FGF14: variants seen among roughly 807,000 people sequenced by gnomAD.
The protein encoded by FGF14 is fibroblast growth factor homologous factor 4.
In FGF14, 5 loss-of-function variants were observed where a neutral mutation model predicts 25.5. The observed-to-expected ratio is 0.20, with a 90% CI of 0.10 to 0.41. The LOEUF is 0.41. Among genes scored for constraint, FGF14 ranks in the 10% least tolerant of loss-of-function variants. The pLI is 1.00. For missense variants in FGF14, 222 were observed against 320.1 expected (o/e 0.69, Z 2.34); for synonymous variants, 138 against 118.3 (o/e 1.17, Z -1.08).
At chr13:102,241,644 C>G (rs55934421) in intron 1 of FGF14, among the ~76,000 whole-genome samples, 7,164 of 152,180 alleles carry the variant, frequency 0.047, 550 homozygotes, top group African/African-American at 0.16. Context: ...AGCATCAAGA[C>G]AGTTTATTTT....
chr13:101,897,429 G>C (rs970741261), intron 1 of FGF14, among the ~76,000 whole-genome samples: 2 of 152,138 alleles, frequency 1.3e-5, no homozygotes, highest in Non-Finnish European at 2.9e-5. Flanking sequence ...TGAACCACAG[G>C]CTTCAGAGAA....
At chr13:101,903,967 A>G (rs1052217463) in intron 1 of FGF14, among the ~76,000 whole-genome samples, 15 of 152,210 alleles carry the variant, frequency 9.9e-5, no homozygotes. Context: ...AATTAAAACC[A>G]CAATGTAGGT....
chr13:101,714,447 A>C lies in FGF14; in HGVS notation c.*8384T>G, dbSNP rs768104574. ...GCCTTTGTAATTTCAGGTTCTTGTC[A>C]TTGTGGGAAGTGCATTTGTTCTGCT... On this transcript the variant is annotated 3_prime_UTR_variant, in exon 5 of 5. Transcript: ENST00000376143. 1 of 1,599,870 alleles carries C rather than the reference A, an allele frequency of 6.3e-7. No homozygotes were observed. The highest frequency in any genetic ancestry group is 1.7e-5 in the Admixed American group (1 of 60,002).
chr13:101,856,034 C>T (rs1203646242), intron 3 of FGF14, among the ~76,000 whole-genome samples: 1 of 151,658 alleles, frequency 6.6e-6, no homozygotes, highest in Non-Finnish European at 1.5e-5. Context: ...TCCTGAGTAT[C>T]CATTTGGCTT....
At chr13:102,292,858 A>G (rs1226725420) in intron 1 of FGF14, 2 of 152,178 alleles carry the variant, frequency 1.3e-5, no homozygotes, top group African/African-American at 4.8e-5. Context: ...TAATTGGCAC[A>G]TGTGACATCT....
At chr13:101,986,784 C>A (rs577081735) in intron 1 of FGF14, among the ~76,000 whole-genome samples, 28 of 151,956 alleles carry the variant, frequency 1.8e-4, no homozygotes, top group Non-Finnish European at 3.5e-4. Flanking sequence ...CTCTTGATAT[C>A]CCCCAACCAA....
intron 1 of FGF14, among the ~76,000 whole-genome samples, chr13:102,084,023 T>C (rs751236952): frequency 6.6e-6 from 1 of 152,182 alleles, no homozygotes; most frequent in East Asian, 1.9e-4. Flanking sequence ...CTTTTCTCTC[T>C]TGTAACTGGC....
At chr13:101,821,441 T>C (rs909076732) in intron 3 of FGF14, among the ~76,000 whole-genome samples, 1 of 152,230 alleles carries the variant, frequency 6.6e-6, no homozygotes, top group African/African-American at 2.4e-5. Context: ...TCCATTCTAC[T>C]ACTGATGGAA....
chr13:102,276,366 T>G (rs2053551179), intron 1 of FGF14, among the ~76,000 whole-genome samples: 1 of 141,626 alleles, frequency 7.1e-6, no homozygotes, highest in Admixed American at 7.0e-5. Context: ...TATATATATA[T>G]ATATATATAT....
intron 1 of FGF14, among the ~76,000 whole-genome samples, chr13:102,209,530 A>C (rs1329761851): frequency 6.6e-6 from 1 of 152,230 alleles, no homozygotes; most frequent in Non-Finnish European, 1.5e-5. Flanking sequence ...GCTGTACACC[A>C]GCATGTTAAT....
chr13:102,315,213 A>G (rs1325199145), intron 1 of FGF14, among the ~76,000 whole-genome samples: 1 of 152,138 alleles, frequency 6.6e-6, no homozygotes, highest in African/African-American at 2.4e-5. Context: ...AAAAAATATT[A>G]TAAAATCTGG....
At chr13:102,005,205 G>T (rs2039716315) in intron 1 of FGF14, among the ~76,000 whole-genome samples, 1 of 152,170 alleles carries the variant, frequency 6.6e-6, no homozygotes, top group African/African-American at 2.4e-5. Context: ...GTTTTCCACA[G>T]AAAGGACTCC....
At chr13:101,973,318 C>G (rs185197011) in intron 1 of FGF14, among the ~76,000 whole-genome samples, 217 of 152,196 alleles carry the variant, frequency 1.4e-3, no homozygotes, top group Middle Eastern at 0.01. Flanking sequence ...CAAAGGAAAA[C>G]TTGAACACCA....
intron 3 of FGF14, among the ~76,000 whole-genome samples, chr13:101,804,264 AT>A (rs2041071117): frequency 6.6e-6 from 1 of 152,196 alleles, no homozygotes; most frequent in Non-Finnish European, 1.5e-5. Flanking sequence ...TGGACACCAC[AT>A]TAAAGTGGGT....
At chr13:102,352,204 T>C (rs1285013844) in intron 1 of FGF14, among the ~76,000 whole-genome samples, 9 of 151,298 alleles carry the variant, frequency 5.9e-5, no homozygotes, top group African/African-American at 2.2e-4. Flanking sequence ...ATTTCATCAT[T>C]ATAAAATACC....
intron 1 of FGF14, among the ~76,000 whole-genome samples, chr13:101,949,062 G>A (rs2035993403): frequency 6.6e-6 from 1 of 152,132 alleles, no homozygotes; most frequent in Non-Finnish European, 1.5e-5. Context: ...GGCAGCAACA[G>A]GAACTGGGTG....
At chr13:102,194,889 G>T (rs1265104427) in intron 1 of FGF14, among the ~76,000 whole-genome samples, 2 of 152,106 alleles carry the variant, frequency 1.3e-5, no homozygotes, top group South Asian at 4.2e-4. Flanking sequence ...TCACATACAG[G>T]GGTCCTTGAT....
At chr13:102,029,932 A>C (rs1412111009) in intron 1 of FGF14, among the ~76,000 whole-genome samples, 2 of 152,110 alleles carry the variant, frequency 1.3e-5, no homozygotes, top group Non-Finnish European at 2.9e-5. Flanking sequence ...GAAGCAATAG[A>C]GAAATGATTG....
intron 1 of FGF14, among the ~76,000 whole-genome samples, chr13:102,161,590 AAG>A (rs1247706559): frequency 0.27 from 1,394 of 5,238 alleles, 132 homozygotes; most frequent in African/African-American, 0.28. Flanking sequence ...GAAGAAGAAG[AAG>A]AAGAAGAAGA....
Sources: gnomAD v4.1 joint callset for allele counts (sites outside exome capture counted in the v4.1 genomes callset) on GRCh38, gnomAD v4.1.1 for gene constraint, MANE v1.5 for transcripts, NCBI Gene and HGNC (gene_info 2026-07-23, HGNC 2026-07-21) for gene names.